Variants in PM20D2 observed in about 807,000 individuals in gnomAD.
The protein encoded by PM20D2 is xaa-Arg dipeptidase.
Under a neutral mutation model 42.9 loss-of-function variants are expected in PM20D2, and 33 were observed. The observed-to-expected ratio is 0.77, with a 90% CI of 0.58 to 1.03. The LOEUF is 1.03. Ranked by LOEUF, PM20D2 falls within the 50% of genes least tolerant of loss-of-function variation. The pLI is 0.00. For synonymous variants in PM20D2, 250 were observed against 228.2 expected (o/e 1.10, Z -0.86); for missense variants, 548 against 557.0 (o/e 0.98, Z 0.16).
At chr6:89,147,064 A>G (rs1770606058) in intron 1 of PM20D2, among the ~76,000 whole-genome samples, 1 of 152,220 alleles carries the variant, frequency 6.6e-6, no homozygotes, top group African/African-American at 2.4e-5. Context: ...TGGCAGTCCT[A>G]GAAAATGTGA....
chr6:89,123,461 C>A, the PM20D2 span, among the ~76,000 whole-genome samples: 1 of 151,982 alleles, frequency 6.6e-6, no homozygotes, highest in African/African-American at 2.4e-5. Context: ...TTGCTCATGC[C>A]TGTAATCTCA....
chr6:89,123,205 A>G, the PM20D2 span, among the ~76,000 whole-genome samples: 1 of 152,092 alleles, frequency 6.6e-6, no homozygotes, highest in African/African-American at 2.4e-5. Context: ...GATCTATTGT[A>G]TGTGAAGCAC....
chr6:89,109,700 C>T, the PM20D2 span, among the ~76,000 whole-genome samples: 3 of 152,218 alleles, frequency 2.0e-5, no homozygotes, highest in Non-Finnish European at 2.9e-5. Context: ...CACTCCCTCA[C>T]CTGTTAGCTG....
chr6:89,112,443 CTTTCT>C, the PM20D2 span, among the ~76,000 whole-genome samples: 5 of 140,464 alleles, frequency 3.6e-5, no homozygotes, highest in African/African-American at 7.7e-5. Flanking sequence ...ATTTTCTTTT[CTTTCT>C]TTTTTTTTTT....
chr6:89,159,506 G>A (rs1402047735), intron 5 of PM20D2, among the ~76,000 whole-genome samples: 1 of 152,188 alleles, frequency 6.6e-6, no homozygotes, highest in East Asian at 1.9e-4. Flanking sequence ...ACCAGATGCT[G>A]GGTCTCACTT....
the PM20D2 span, chr6:89,107,343 A>G: frequency 9.8e-7 from 1 of 1,020,892 alleles, no homozygotes; most frequent in South Asian, 1.5e-5. Context: ...GAAACCTTCA[A>G]AAGAAAGAAC....
the PM20D2 span, among the ~76,000 whole-genome samples, chr6:89,122,014 T>A: frequency 6.6e-6 from 1 of 152,206 alleles, no homozygotes; most frequent in South Asian, 2.1e-4. Flanking sequence ...GAATCTCTTT[T>A]CAGTTTTACA....
chr6:89,128,670 TAAA>T, the PM20D2 span, among the ~76,000 whole-genome samples: 1 of 152,140 alleles, frequency 6.6e-6, no homozygotes, highest in Non-Finnish European at 1.5e-5. Flanking sequence ...AACCCTTAAT[TAAA>T]AAACTTGCTG....
the PM20D2 span, among the ~76,000 whole-genome samples, chr6:89,094,141 G>C: frequency 2.6e-5 from 4 of 151,650 alleles, no homozygotes. Context: ...TGCTGGTCTC[G>C]AACTCCTGAC....
At chr6:89,161,400 G>A (rs187852304) in intron 5 of PM20D2, among the ~76,000 whole-genome samples, 41 of 152,278 alleles carry the variant, frequency 2.7e-4, no homozygotes, top group African/African-American at 9.4e-4. Flanking sequence ...TTATTTCATC[G>A]TCAGGTAGAG....
upstream of PM20D2, among the ~76,000 whole-genome samples, chr6:89,141,496 G>C (rs1436799398): frequency 4.6e-5 from 7 of 152,130 alleles, no homozygotes. Context: ...CTCCTGAGTA[G>C]CTGGGATTAC....
the PM20D2 span, chr6:89,105,373 T>C: frequency 1.3e-6 from 2 of 1,563,764 alleles, no homozygotes; most frequent in African/African-American, 1.4e-5. Context: ...AAATCAGTCA[T>C]CACTGAAACT....
chr6:89,143,674 CAT>C (rs1302746520), upstream of PM20D2, among the ~76,000 whole-genome samples: 1 of 151,996 alleles, frequency 6.6e-6, no homozygotes, highest in Non-Finnish European at 1.5e-5. Flanking sequence ...ACCAGTAGCA[CAT>C]AGATAGGGTA....
chr6:89,158,007 AAAAAT>A (rs1771108757), intron 4 of PM20D2, among the ~76,000 whole-genome samples: 1 of 152,212 alleles, frequency 6.6e-6, no homozygotes, highest in Non-Finnish European at 1.5e-5. Flanking sequence ...ACTCCATCTC[AAAAAT>A]AAAATAAAAA....
chr6:89,143,005 A>G (rs1770390089), upstream of PM20D2, among the ~76,000 whole-genome samples: 2 of 152,150 alleles, frequency 1.3e-5, no homozygotes, highest in South Asian at 4.1e-4. Flanking sequence ...GAAATCCTGC[A>G]CTGAAGCTCT....
the PM20D2 span, among the ~76,000 whole-genome samples, chr6:89,134,565 G>A: frequency 8.6e-5 from 13 of 151,254 alleles, no homozygotes; most frequent in South Asian, 1.7e-3. Context: ...CAAACCACTT[G>A]AAGAATGGAT....
the PM20D2 span, chr6:89,097,536 T>C: frequency 6.6e-6 from 1 of 152,104 alleles, no homozygotes; most frequent in Non-Finnish European, 1.5e-5. Flanking sequence ...TTTTAAATTT[T>C]AGAGACAGGA....
In PM20D2 at chr6:89,162,417, C is replaced by A. The variant is rs181642151; in HGVS notation, c.*154C>A. 1 of 771,036 alleles carries A rather than the reference C, an allele frequency of 1.3e-6. No individual in the cohort carries two copies. Among genetic ancestry groups the A allele is most frequent in the Non-Finnish European group, 1.9e-6 (1 of 514,768 alleles). 47.8% of individuals were successfully genotyped at this position (771,036 alleles called of 1,614,324 possible). A position where few individuals can be genotyped will look rare whatever the true frequency, so the allele number is the denominator to read the frequency against. ...GGGTGTGGAGAAAACATATTAATTA[C>A]CTCATATCTAAAGTGAAAATTTTTG... On this transcript the variant is annotated 3_prime_UTR_variant, in exon 7 of 7. Coordinates refer to ENST00000275072, the MANE Select transcript of PM20D2 (RefSeq NM_001010853.3).
At position 89,153,179 on chromosome 6, in the gene PM20D2, G is replaced by A; in HGVS notation, c.751G>A (p.Val251Ile). 7.5e-6 allele frequency: 12 copies of A among 1,593,728 alleles called. No individual in the cohort carries two copies. The highest frequency in any genetic ancestry group is 1.0e-5 in the Non-Finnish European group (12 of 1,171,318). Residue 251 changes from valine (V) to isoleucine (I), a missense_variant, in exon 3 of 7, where the codon GTT (valine) becomes ATT (isoleucine). By Grantham distance (29) the Val-to-Ile change is conservative. This residue lies in a region of PM20D2 where 470 missense variants were observed against 464.4 expected (regional missense o/e 1.01). Coordinates refer to ENST00000275072, the MANE Select transcript of PM20D2 (RefSeq NM_001010853.3). ...FRQQMKPTWRVHGIIKNGGVK... is the reference protein window; with the variant it reads ...FRQQMKPTWRIHGIIKNGGVK... ...ACAGCAAATGAAACCAACCTGGAGAGTTCATGGTATGAATGTCAAATACCT... is the reference window on the plus strand; with the variant it reads ...ACAGCAAATGAAACCAACCTGGAGAATTCATGGTATGAATGTCAAATACCT...
Sources: gnomAD v4.1 joint callset for allele counts (sites outside exome capture counted in the v4.1 genomes callset) on GRCh38, gnomAD v4.1.1 for gene constraint, gnomAD v4.1.1 regional missense constraint, MANE v1.5 for transcripts, NCBI Gene and HGNC (gene_info 2026-07-23, HGNC 2026-07-21) for gene names.